PPP1R7: variants seen among roughly 807,000 people sequenced by gnomAD.
The protein encoded by PPP1R7 is protein phosphatase 1 regulatory subunit 22.
PPP1R7 carries 18 observed loss-of-function variants against 45.2 expected under a neutral mutation model. The ratio of observed to expected loss-of-function variants is 0.40; its 90% confidence interval spans 0.28 to 0.59. PPP1R7 has a LOEUF of 0.59. Ranked by LOEUF, PPP1R7 falls within the 20% of genes least tolerant of loss-of-function variation. The pLI is 0.46. For synonymous variants in PPP1R7, 181 were observed against 183.4 expected (o/e 0.99, Z 0.11); for missense variants, 314 against 455.8 (o/e 0.69, Z 2.83).
Position 241,150,527 on chromosome 2 carries a change from A to C in PPP1R7, c.32A>C (p.Gln11Pro). 6.3e-7 allele frequency: 1 copy of C among 1,598,558 alleles called. No homozygotes were observed. The highest frequency in any genetic ancestry group is 8.5e-7 in the Non-Finnish European group (1 of 1,173,992). MAAERGAGQQ[Q>P]SQEMMEVDRR... is the part of the protein sequence containing the mutation. ...GCGGAACGCGGCGCGGGGCAGCAACAGTCGCAGGAGATGATGGAGGGTGAG... is the reference window on the plus strand; with the variant it reads ...GCGGAACGCGGCGCGGGGCAGCAACCGTCGCAGGAGATGATGGAGGGTGAG... The change falls in exon 1 of 10, where the codon CAG (glutamine) becomes CCG (proline). Residue 11 changes from glutamine (Q) to proline (P), a missense_variant. By Grantham distance (76) the Gln-to-Pro change is moderately conservative. This residue lies in a region of PPP1R7 where 34 missense variants were observed against 26.0 expected (regional missense o/e 1.31). Transcript: ENST00000234038.
chr2:241,173,269 CAAAAAAAAA>C (rs540011262), intron 9 of PPP1R7, among the ~76,000 whole-genome samples: 2 of 90,684 alleles, frequency 2.2e-5, no homozygotes, highest in South Asian at 4.7e-4. Flanking sequence ...AAGACTTTCT[CAAAAAAAAA>C]AAAAAAAAAA....
chr2:241,155,603 C>T lies in PPP1R7; in HGVS notation c.181+1999C>T, dbSNP rs112558746. ...TCAGAAGGGCATTCTAGGCTGGAAA[C>T]CTTGTTTCAGAGGTTAGCTGACATT... On this transcript the variant is annotated intron_variant, in intron 2 of 9. Transcript: ENST00000234038. Among the ~76,000 whole-genome samples, 1,346 of 152,230 alleles carry T rather than the reference C, an allele frequency of 8.8e-3. 20 individuals are homozygous for T. The highest frequency in any genetic ancestry group is 0.03 in the African/African-American group (1,248 of 41,514).
At chr2:241,161,403 G>A (rs1349561534) in intron 6 of PPP1R7, among the ~76,000 whole-genome samples, 317 of 124,262 alleles carry the variant, frequency 2.6e-3, no homozygotes, top group East Asian at 3.9e-3. Context: ...TCTCTGGCAT[G>A]CTTCTTCGAG....
chr2:241,164,563 G>A (rs901753222), intron 7 of PPP1R7, among the ~76,000 whole-genome samples: 4 of 152,136 alleles, frequency 2.6e-5, no homozygotes, highest in African/African-American at 7.2e-5. Flanking sequence ...TGTGGAAACC[G>A]CTCTTAACCC....
rs1490899262 is a variant in PPP1R7 at position 241,179,855 on chromosome 2, AACACATTATTT to A, written c.907-2777_907-2767del. Among the ~76,000 whole-genome samples, 8 of 152,370 alleles carry A rather than the reference AACACATTATTT, an allele frequency of 5.3e-5. No individual in the cohort carries two copies. The South Asian group carries it at 1.4e-3, about 28-fold the overall frequency. On this transcript the variant is annotated intron_variant, in intron 9 of 9. Transcript: ENST00000234038. ...GAATCTCTGAAAGTTACCAGTATCA[AACACATTATTT>A]ACACATTATTTACAATGCACCATTG...
intron 9 of PPP1R7, among the ~76,000 whole-genome samples, chr2:241,174,852 A>T (rs1004924928): frequency 2.6e-5 from 4 of 151,306 alleles, no homozygotes; most frequent in African/African-American, 9.7e-5. Context: ...TTTTTTTTGT[A>T]TTTTAGTAGA....
At chr2:241,180,523 G>A (rs2067984530) in intron 9 of PPP1R7, among the ~76,000 whole-genome samples, 1 of 152,048 alleles carries the variant, frequency 6.6e-6, no homozygotes, top group African/African-American at 2.4e-5. Context: ...GGTTGGACAA[G>A]CTTGGTTTAA....
chr2:241,172,293 A>G (rs937183776), intron 9 of PPP1R7, among the ~76,000 whole-genome samples: 1 of 152,076 alleles, frequency 6.6e-6, no homozygotes, highest in African/African-American at 2.4e-5. Context: ...AATTTTCACC[A>G]TCTATATATT....
intron 9 of PPP1R7, among the ~76,000 whole-genome samples, chr2:241,173,594 T>C (rs2149067938): frequency 6.6e-6 from 1 of 152,372 alleles, no homozygotes; most frequent in East Asian, 1.9e-4. Flanking sequence ...TGTGAATCTA[T>C]GGTCTTCATC....
chr2:241,158,912 AG>A lies in PPP1R7; in HGVS notation c.304-299del, dbSNP rs1429539002. On this transcript the variant is annotated intron_variant, in intron 4 of 9. Transcript: ENST00000234038. ...CCACCAAAGGTTCTTATGTTCTGCC[AG>A]GAAGTGGCAGACACCCACACCCCAG... is the stretch of plus-strand genomic sequence containing the variant. 1.7e-5 allele frequency: 7 copies of A among 418,454 alleles called. No homozygotes were observed. The East Asian group carries it at 2.9e-4, about 18-fold the overall frequency. The allele number at this position is 418,454 out of a possible 1,614,324, so 25.9% of individuals were successfully genotyped here.
Position 241,163,452 on chromosome 2 carries a change from G to A in PPP1R7, c.714+51G>A, listed in dbSNP as rs114083886. 2,403 of 1,261,174 alleles carry A rather than the reference G, an allele frequency of 1.9e-3. 43 individuals are homozygous for A. The African/African-American group carries it at 0.029, about 15-fold the overall frequency. The allele number at this position is 1,261,174 out of a possible 1,614,324, so 78.1% of individuals were successfully genotyped here. The stretch of plus-strand genomic sequence containing the variant: ...CCCTGCGAGCCCTGGCAGGGCCAGC[G>A]CTGCTGGACACAATCTTAGTTTTTA... On this transcript the variant is annotated intron_variant, in intron 7 of 9. Transcript: ENST00000234038.
At chr2:241,167,901 A>C (rs1463271078) in intron 8 of PPP1R7, among the ~76,000 whole-genome samples, 1 of 152,160 alleles carries the variant, frequency 6.6e-6, no homozygotes, top group East Asian at 1.9e-4. Context: ...TCTGGAATTT[A>C]TTTTTATGGT....
intron 8 of PPP1R7, among the ~76,000 whole-genome samples, chr2:241,168,334 G>A (rs899853989): frequency 2.0e-5 from 3 of 152,088 alleles, no homozygotes; most frequent in Admixed American, 1.3e-4. Context: ...TGGACCTCAC[G>A]AGGCTCAAAT....
chr2:241,168,558 C>T lies in PPP1R7; in HGVS notation c.820-1223C>T, dbSNP rs1388031565. The stretch of plus-strand genomic sequence containing the variant: ...CCTGCAGTCCTTTTTGCTCTGAACC[C>T]GCCCCACTGAGCTCCCTCGCACACT... On this transcript the variant is annotated intron_variant, in intron 8 of 9. Transcript: ENST00000234038. 5.3e-5 allele frequency among the ~76,000 whole-genome samples: 8 copies of T among 152,210 alleles called. No homozygotes were observed. The East Asian group carries it at 1.2e-3, about 22-fold the overall frequency.
intron 6 of PPP1R7, among the ~76,000 whole-genome samples, chr2:241,161,462 G>A (rs541617394): frequency 8.7e-4 from 132 of 152,208 alleles, no homozygotes; most frequent in Non-Finnish European, 1.6e-3. Flanking sequence ...GTGAACTGAT[G>A]TACATACCGG....
At chr2:241,156,281 G>T (rs1387779520) in intron 2 of PPP1R7, among the ~76,000 whole-genome samples, 6 of 152,240 alleles carry the variant, frequency 3.9e-5, no homozygotes, top group Non-Finnish European at 7.3e-5. Context: ...AACATCCTAT[G>T]CATATAATTC....
chr2:241,183,276 T>C lies in PPP1R7; in HGVS notation c.*453T>C, dbSNP rs114081731. ...CAGTCTTGACCTGCAACAACCGAGG[T>C]TTTTTAGTCTTTTAACCCAGCCATT... On this transcript the variant is annotated 3_prime_UTR_variant, in exon 10 of 10. Transcript: ENST00000234038. 1 of 405,478 alleles carries C rather than the reference T, an allele frequency of 2.5e-6. No individual in the cohort carries two copies. Among genetic ancestry groups the C allele is most frequent in the Admixed American group, 3.1e-5 (1 of 32,530 alleles). 25.1% of individuals were successfully genotyped at this position (405,478 alleles called of 1,614,324 possible).
At chr2:241,165,229 G>T (rs573804549) in intron 7 of PPP1R7, among the ~76,000 whole-genome samples, 28 of 152,112 alleles carry the variant, frequency 1.8e-4, no homozygotes, top group Non-Finnish European at 3.7e-4. Context: ...GCACAGGGGT[G>T]CAATCTCGGC....
chr2:241,166,780 GA>G (rs941177029), intron 8 of PPP1R7, among the ~76,000 whole-genome samples: 1 of 152,006 alleles, frequency 6.6e-6, no homozygotes, highest in Admixed American at 6.6e-5. Flanking sequence ...TGCAAGATTT[GA>G]AAAAAACAAA....
Sources: allele counts gnomAD v4.1 joint callset (sites outside exome capture counted in the v4.1 genomes callset), GRCh38; gene constraint gnomAD v4.1.1; regional missense constraint gnomAD v4.1.1; transcripts MANE v1.5; gene names NCBI Gene and HGNC (gene_info 2026-07-23, HGNC 2026-07-21).